SOX5: variants seen among roughly 807,000 people sequenced by gnomAD.
SOX5 encodes transcription factor SOX-5.
Under a neutral mutation model 92.0 loss-of-function variants are expected in SOX5, and 9 were observed. The observed-to-expected ratio is 0.10, with a 90% CI of 0.06 to 0.17. The LOEUF (loss-of-function observed/expected upper bound fraction) is 0.17, where lower values mean the gene tolerates loss of function less well. Ranked by LOEUF, SOX5 falls within the 10% of genes least tolerant of loss-of-function variation. The pLI, the probability that SOX5 is intolerant of heterozygous loss-of-function variation, is 1.00. For synonymous variants in SOX5, 344 were observed against 336.3 expected (o/e 1.02, Z -0.25); for missense variants, 642 against 944.5 (o/e 0.68, Z 4.20).
In SOX5 at chr12:24,433,990, C is replaced by T. The variant is rs144567243; in HGVS notation, c.-250-65351G>A. On this transcript the variant is annotated intron_variant, in intron 1 of 4. Coordinates refer to the SOX5 transcript ENST00000446891. Reference sequence around the variant, plus strand: ...AGAGATAAAAAGGCCAATGGCATTGCCTCAGGAAGAATGCTCAGGTAAGCA... The same window carrying T: ...AGAGATAAAAAGGCCAATGGCATTGTCTCAGGAAGAATGCTCAGGTAAGCA... 3.7e-4 allele frequency among the ~76,000 whole-genome samples: 56 copies of T among 152,228 alleles called. 1 individual carries two copies. The highest frequency in any genetic ancestry group is 1.3e-3 in the African/African-American group (54 of 41,538).
chr12:23,720,891 G>A (rs1022720591), intron 6 of SOX5, among the ~76,000 whole-genome samples: 5 of 151,992 alleles, frequency 3.3e-5, no homozygotes, highest in Non-Finnish European at 4.4e-5. Context: ...CCGTACCTAC[G>A]ATCTTGATCT....
intron 4 of SOX5, among the ~76,000 whole-genome samples, chr12:24,138,062 G>A (rs921934368): frequency 6.6e-6 from 1 of 152,222 alleles, no homozygotes; most frequent in Non-Finnish European, 1.5e-5. Context: ...GCCTTAATAA[G>A]AAAAAGGTAT....
intron 4 of SOX5, among the ~76,000 whole-genome samples, chr12:24,040,173 G>GA (rs1956385229): frequency 6.6e-6 from 1 of 152,002 alleles, no homozygotes; most frequent in African/African-American, 2.4e-5. Context: ...CAGCAAATAG[G>GA]AAAAAATGTA....
intron 3 of SOX5, among the ~76,000 whole-genome samples, chr12:23,793,355 A>G (rs2095509425): frequency 6.6e-6 from 1 of 152,186 alleles, no homozygotes; most frequent in Non-Finnish European, 1.5e-5. Context: ...CACTAAAATC[A>G]GTACATTAGC....
intron 4 of SOX5, among the ~76,000 whole-genome samples, chr12:24,159,904 C>T (rs766963209): frequency 9.9e-5 from 15 of 152,006 alleles, no homozygotes; most frequent in Non-Finnish European, 1.6e-4. Context: ...TCAACAACAA[C>T]AGATAACGGG....
intron 4 of SOX5, among the ~76,000 whole-genome samples, chr12:24,158,751 A>G (rs889350160): frequency 1.3e-5 from 2 of 151,968 alleles, no homozygotes; most frequent in Non-Finnish European, 2.9e-5. Context: ...GATTTTAGAG[A>G]AACAAAAGTC....
Position 23,814,051 on chromosome 12 carries a change from A to G in SOX5, c.481+31932T>C, listed in dbSNP as rs184166535. ...GAGTATTAAAATGCTTTTTCTTTTT[A>G]TAAATTAAAAGAATATTTATTTATA... is the stretch of plus-strand genomic sequence containing the variant. On this transcript the variant is annotated intron_variant, in intron 3 of 14. Transcript: ENST00000451604. 4.6e-3 allele frequency among the ~76,000 whole-genome samples: 693 copies of G among 152,282 alleles called. 5 individuals carry two copies. The highest frequency in any genetic ancestry group is 7.0e-3 in the Non-Finnish European group (476 of 68,024).
chr12:24,413,740 A>T (rs1376476954), intron 1 of SOX5, among the ~76,000 whole-genome samples: 3 of 152,244 alleles, frequency 2.0e-5, no homozygotes, highest in Non-Finnish European at 4.4e-5. Context: ...ATTATTGCAG[A>T]CACTAGCCCA....
At chr12:23,636,558 C>T (rs117376145) in intron 8 of SOX5, among the ~76,000 whole-genome samples, 2 of 151,982 alleles carry the variant, frequency 1.3e-5, no homozygotes, top group African/African-American at 2.4e-5. Context: ...ACAAAGTCAA[C>T]CATAAGTAGG....
intron 4 of SOX5, among the ~76,000 whole-genome samples, chr12:24,157,954 G>A (rs1258131011): frequency 6.6e-6 from 1 of 151,950 alleles, no homozygotes; most frequent in Non-Finnish European, 1.5e-5. Flanking sequence ...ATAGGATTCT[G>A]TGTTAGTGTT....
At chr12:23,956,340 G>A (rs74069810) in intron 4 of SOX5, among the ~76,000 whole-genome samples, 25 of 152,280 alleles carry the variant, frequency 1.6e-4, no homozygotes, top group African/African-American at 6.0e-4. Context: ...ACTGGTCCAT[G>A]TCCTGTTATG....
intron 6 of SOX5, among the ~76,000 whole-genome samples, chr12:23,676,539 T>C (rs1043375752): frequency 6.7e-6 from 1 of 150,240 alleles, no homozygotes; most frequent in African/African-American, 2.5e-5. Context: ...TTATAGTCTC[T>C]AGGGCTGTTG....
intron 4 of SOX5, among the ~76,000 whole-genome samples, chr12:24,078,673 A>T (rs1319308262): frequency 6.6e-6 from 1 of 152,082 alleles, no homozygotes; most frequent in African/African-American, 2.4e-5. Context: ...ACTGTGACTC[A>T]TGGTAAGAAC....
intron 4 of SOX5, among the ~76,000 whole-genome samples, chr12:24,075,196 A>T (rs1416808759): frequency 6.6e-6 from 1 of 151,062 alleles, no homozygotes; most frequent in African/African-American, 2.4e-5. Flanking sequence ...TTGAGCCCAA[A>T]ACTTTGAGGC....
intron 3 of SOX5, among the ~76,000 whole-genome samples, chr12:24,264,654 C>A (rs990508738): frequency 7.9e-5 from 12 of 152,034 alleles, no homozygotes; most frequent in African/African-American, 1.2e-4. Flanking sequence ...CATTTGGTTA[C>A]AAAAGTGTGG....
At chr12:24,163,896 G>A (rs1379707112) in intron 4 of SOX5, among the ~76,000 whole-genome samples, 2 of 151,584 alleles carry the variant, frequency 1.3e-5, no homozygotes, top group African/African-American at 4.8e-5. Flanking sequence ...AGAATGCCCT[G>A]GTTCTGCAAT....
intron 2 of SOX5, among the ~76,000 whole-genome samples, chr12:24,292,748 TATCAAGTTTGAGAAAACTTGTA>T (rs1273948533): frequency 1.3e-5 from 2 of 152,248 alleles, no homozygotes; most frequent in Non-Finnish European, 2.9e-5. Flanking sequence ...TCTCAGACTG[TATCAAGTTTGAGAAAACTTGTA>T]ATCAAGTTTC....
intron 3 of SOX5, among the ~76,000 whole-genome samples, chr12:23,827,486 CAAACA>C (rs1568114928): frequency 6.6e-6 from 1 of 152,130 alleles, no homozygotes; most frequent in Non-Finnish European, 1.5e-5. Flanking sequence ...GTAAACACAC[CAAACA>C]AAAGAAATGA....
chr12:24,148,874 AG>A (rs1339146830), intron 4 of SOX5, among the ~76,000 whole-genome samples: 1 of 1,876 alleles, frequency 5.3e-4, no homozygotes, highest in Non-Finnish European at 8.6e-4. Context: ...TGGGTGACAG[AG>A]GGAGAGGGAG....
Sources: allele counts gnomAD v4.1 joint callset (sites outside exome capture counted in the v4.1 genomes callset), GRCh38; gene constraint gnomAD v4.1.1; transcripts MANE v1.5; gene names NCBI Gene and HGNC (gene_info 2026-07-23, HGNC 2026-07-21).